LRRC4C: variants seen among roughly 807,000 people sequenced by gnomAD.
LRRC4C encodes leucine rich repeat containing 4C.
LRRC4C carries 5 observed loss-of-function variants against 33.6 expected under a neutral mutation model. That is an observed-to-expected ratio of 0.15 (90% CI 0.08 to 0.31). LRRC4C has a LOEUF of 0.31. Among genes scored for constraint, LRRC4C ranks in the 10% least tolerant of loss-of-function variants. LRRC4C has a pLI of 1.00. For synonymous variants in LRRC4C, 329 were observed against 302.0 expected (o/e 1.09, Z -0.93); for missense variants, 560 against 796.7 (o/e 0.70, Z 3.58).
At chr11:40,364,448 A>G (rs1170692419) in intron 3 of LRRC4C, among the ~76,000 whole-genome samples, 1 of 152,172 alleles carries the variant, frequency 6.6e-6, no homozygotes. Context: ...GATGAAAGAT[A>G]TAATGGATAG....
At chr11:40,882,010 T>G (rs1329045276) in intron 2 of LRRC4C, among the ~76,000 whole-genome samples, 1 of 152,060 alleles carries the variant, frequency 6.6e-6, no homozygotes, top group Admixed American at 6.6e-5. Context: ...AACACCCAGA[T>G]AGTAAATATT....
intron 5 of LRRC4C, among the ~76,000 whole-genome samples, chr11:40,226,967 T>C (rs1168955327): frequency 6.6e-6 from 1 of 152,176 alleles, no homozygotes; most frequent in Non-Finnish European, 1.5e-5. Flanking sequence ...ACATCATTCA[T>C]TAATTAAATC....
intron 6 of LRRC4C, among the ~76,000 whole-genome samples, chr11:40,130,317 C>T (rs368216556): frequency 1.1e-4 from 16 of 152,262 alleles, no homozygotes; most frequent in African/African-American, 3.8e-4. Flanking sequence ...TCTGGAGCCC[C>T]ACAATGCATG....
intron 2 of LRRC4C, among the ~76,000 whole-genome samples, chr11:40,852,061 T>G (rs543952093): frequency 1.3e-5 from 2 of 152,104 alleles, no homozygotes; most frequent in Non-Finnish European, 2.9e-5. Flanking sequence ...ACTCCTGACC[T>G]CATGATCCAC....
intron 2 of LRRC4C, among the ~76,000 whole-genome samples, chr11:40,740,318 G>T (rs900870916): frequency 6.6e-6 from 1 of 151,788 alleles, no homozygotes; most frequent in African/African-American, 2.4e-5. Context: ...ATTTTCTCCA[G>T]CATTTGTTAT....
chr11:40,441,504 G>A (rs1186351685), intron 3 of LRRC4C, among the ~76,000 whole-genome samples: 2 of 152,250 alleles, frequency 1.3e-5, no homozygotes, highest in East Asian at 3.9e-4. Context: ...CTTAAGACAG[G>A]TTGATCTGGG....
At chr11:40,911,709 G>A (rs1189111721) in intron 2 of LRRC4C, among the ~76,000 whole-genome samples, 1 of 152,222 alleles carries the variant, frequency 6.6e-6, no homozygotes, top group Non-Finnish European at 1.5e-5. Flanking sequence ...TGACTTTTAT[G>A]AGTTGAGAGA....
At chr11:41,155,223 A>G (rs1218561601) in intron 1 of LRRC4C, among the ~76,000 whole-genome samples, 1 of 152,086 alleles carries the variant, frequency 6.6e-6, no homozygotes, top group African/African-American at 2.4e-5. Context: ...CTTATGGGAC[A>G]TCCTTTAATG....
intron 1 of LRRC4C, among the ~76,000 whole-genome samples, chr11:41,175,283 C>A (rs1209155689): frequency 2.0e-5 from 3 of 152,168 alleles, no homozygotes; most frequent in Non-Finnish European, 4.4e-5. Context: ...ATCAAAAAGT[C>A]ATTTTACTAT....
At chr11:40,684,699 G>T (rs1020919911) in intron 2 of LRRC4C, among the ~76,000 whole-genome samples, 1 of 150,992 alleles carries the variant, frequency 6.6e-6, no homozygotes, top group Non-Finnish European at 1.5e-5. Flanking sequence ...AAATACCAAA[G>T]AAAAAAAGAC....
intron 4 of LRRC4C, among the ~76,000 whole-genome samples, chr11:40,244,555 A>G (rs1866176398): frequency 6.6e-6 from 1 of 152,128 alleles, no homozygotes; most frequent in African/African-American, 2.4e-5. Context: ...CTTCAAGCCC[A>G]CTAAATTTTC....
At chr11:40,849,215 G>C (rs1953356046) in intron 2 of LRRC4C, among the ~76,000 whole-genome samples, 1 of 152,138 alleles carries the variant, frequency 6.6e-6, no homozygotes. Flanking sequence ...CCCGTTAGTT[G>C]ATGCAATTTC....
chr11:40,580,776 C>T (rs1453050423), intron 3 of LRRC4C, among the ~76,000 whole-genome samples: 3 of 152,114 alleles, frequency 2.0e-5, no homozygotes, highest in Non-Finnish European at 4.4e-5. Flanking sequence ...ATTCAAAAAT[C>T]TTAACTTGGA....
chr11:40,756,993 C>A (rs1056935226), intron 2 of LRRC4C, among the ~76,000 whole-genome samples: 1 of 151,984 alleles, frequency 6.6e-6, no homozygotes. Flanking sequence ...TAGTAGCATC[C>A]TTTGCTTGGC....
At chr11:41,219,993 T>C (rs530703520) in intron 1 of LRRC4C, among the ~76,000 whole-genome samples, 25 of 152,262 alleles carry the variant, frequency 1.6e-4, no homozygotes, top group Non-Finnish European at 2.6e-4. Context: ...TTTTGTATTA[T>C]TTGACCTGGA....
At chr11:40,389,206 C>T (rs1949237877) in intron 3 of LRRC4C, among the ~76,000 whole-genome samples, 1 of 152,182 alleles carries the variant, frequency 6.6e-6, no homozygotes, top group African/African-American at 2.4e-5. Flanking sequence ...CCAGCAGGCA[C>T]ATTAAACTTG....
At chr11:41,202,303 C>A (rs1946430379) in intron 1 of LRRC4C, among the ~76,000 whole-genome samples, 1 of 152,134 alleles carries the variant, frequency 6.6e-6, no homozygotes, top group Admixed American at 6.5e-5. Context: ...ATTTGGATTT[C>A]TCATCATCTC....
chr11:41,017,458 T>A (rs1251123295), intron 1 of LRRC4C, among the ~76,000 whole-genome samples: 1 of 152,208 alleles, frequency 6.6e-6, no homozygotes, highest in East Asian at 1.9e-4. Flanking sequence ...TACATACTAC[T>A]GACCACGGAA....
intron 3 of LRRC4C, among the ~76,000 whole-genome samples, chr11:40,339,706 A>T (rs1946782066): frequency 6.6e-6 from 1 of 151,112 alleles, no homozygotes; most frequent in Admixed American, 6.6e-5. Context: ...ATCATAAATC[A>T]TATGTTAATC....
Sources: allele counts gnomAD v4.1 joint callset (sites outside exome capture counted in the v4.1 genomes callset), GRCh38; gene constraint gnomAD v4.1.1; transcripts MANE v1.5; gene names NCBI Gene and HGNC (gene_info 2026-07-23, HGNC 2026-07-21).